The following COQ2 variants were observed in gnomAD, a reference collection of about 807,000 sequenced individuals.
The protein encoded by COQ2 is 4-hydroxybenzoate polyprenyltransferase, mitochondrial.
In COQ2, 25 loss-of-function variants were observed where a neutral mutation model predicts 35.7. That is an observed-to-expected ratio of 0.70 (90% CI 0.51 to 0.98). The LOEUF is 0.98. Ranked by LOEUF, COQ2 falls within the 50% of genes least tolerant of loss-of-function variation. COQ2 has a pLI of 0.00. For missense variants in COQ2, 488 were observed against 473.5 expected (o/e 1.03, Z -0.28); for synonymous variants, 206 against 186.2 (o/e 1.11, Z -0.86).
In COQ2 at chr4:83,283,379, G is replaced by A. The variant is rs1239334322; in HGVS notation, c.253+1133C>T. ...TTCAGATATGTTCTTGTCTAGTCTC[G>A]TTTCCCATTTTCCACACCCACTTGG... On this transcript the variant is annotated intron_variant, in intron 1 of 6. Transcript: ENST00000647002. 11 of 985,166 alleles carry A rather than the reference G, an allele frequency of 1.1e-5. No individual in the cohort carries two copies. In the Admixed American group the frequency reaches 1.8e-4, roughly 17 times the overall value. 61.0% of individuals were successfully genotyped at this position (985,166 alleles called of 1,614,324 possible). A position where few individuals can be genotyped will look rare whatever the true frequency, so the allele number is the denominator to read the frequency against.
At chr4:83,283,562 G>C (rs1735378922) in intron 1 of COQ2, 1 of 985,332 alleles carries the variant, frequency 1.0e-6, no homozygotes, top group Admixed American at 6.1e-5. Flanking sequence ...GGGATCCACA[G>C]TAATTTCTCT....
At position 83,264,091 on chromosome 4, in the gene COQ2, T is replaced by A; in HGVS notation, c.*108A>T. 4 of 725,340 alleles carry A rather than the reference T, an allele frequency of 5.5e-6. No homozygotes were observed. The highest frequency in any genetic ancestry group is 8.5e-6 in the Non-Finnish European group (4 of 473,138). The allele number at this position is 725,340 out of a possible 1,614,324, so 44.9% of individuals were successfully genotyped here. ...AATCCAGGTAAATATGCTCTAAATC[T>A]TCATCTTCAGGTTCTTAATTCTTTA... On this transcript the variant is annotated 3_prime_UTR_variant, in exon 7 of 7. Transcript: ENST00000647002.
chr4:83,269,962 T>C lies in COQ2; in HGVS notation c.660A>G (p.Gly220=), dbSNP rs762284326. The C allele has an allele frequency of 1.2e-6, 2 of 1,613,056 alleles. No homozygotes were observed. The highest frequency in any genetic ancestry group is 2.2e-5 in the East Asian group (1 of 44,864). ...GLTFNWGALL[G]WSAIKGSCDP... is the part of the protein sequence containing the mutation. ...CACAGGAACCCTTGATAGCAGACCA[T>C]CCAAGTAACGCTCCCCAATTAAATG... is the stretch of plus-strand genomic sequence containing the variant. Residue 220 remains glycine, a synonymous_variant, in exon 5 of 7, where the codon GGA becomes GGG. Transcript: ENST00000647002.
At chr4:83,282,677 A>C (rs1735352817) in intron 1 of COQ2, 2 of 231,200 alleles carry the variant, frequency 8.7e-6, no homozygotes, top group Non-Finnish European at 1.4e-5. Context: ...AGCACTTAAC[A>C]TATATTAATG....
At chr4:83,281,748 A>C (rs1735329468) in intron 1 of COQ2, among the ~76,000 whole-genome samples, 1 of 152,216 alleles carries the variant, frequency 6.6e-6, no homozygotes, top group African/African-American at 2.4e-5. Flanking sequence ...CACTATTTTT[A>C]TTACAACCAT....
intron 4 of COQ2, 23 bp from the exon 5 acceptor site, chr4:83,270,016 AG>A: frequency 6.2e-7 from 1 of 1,612,868 alleles, no homozygotes; most frequent in South Asian, 1.1e-5. Flanking sequence ...AAACACAAAA[AG>A]GGGGAAAGTC....
At chr4:83,276,914 T>C (rs1461383334) in intron 2 of COQ2, among the ~76,000 whole-genome samples, 1 of 152,122 alleles carries the variant, frequency 6.6e-6, no homozygotes, top group Admixed American at 6.6e-5. Flanking sequence ...TGGAGGCTAT[T>C]ATTCTTAGTG....
intron 1 of COQ2, among the ~76,000 whole-genome samples, chr4:83,280,388 GA>G (rs1470507152): frequency 6.6e-6 from 1 of 152,176 alleles, no homozygotes; most frequent in East Asian, 1.9e-4. Flanking sequence ...AGATCCTGAA[GA>G]AAAATGGTCA....
At chr4:83,284,997 G>T, upstream of COQ2, 1 of 997,196 alleles carries the variant, frequency 1.0e-6, no homozygotes, top group African/African-American at 1.7e-5. Flanking sequence ...AATAAATTTA[G>T]TTGTAATTTT....
chr4:83,278,104 G>T (rs1433945786), intron 2 of COQ2, among the ~76,000 whole-genome samples: 1 of 151,610 alleles, frequency 6.6e-6, no homozygotes, highest in Non-Finnish European at 1.5e-5. Flanking sequence ...AGGTAAACTA[G>T]GATCGATTAT....
At chr4:83,284,093 T>A (rs1735392516) in intron 1 of COQ2, 1 of 985,304 alleles carries the variant, frequency 1.0e-6, no homozygotes. Flanking sequence ...CTTACAAGAT[T>A]GCGGGGAGGA....
intron 2 of COQ2, among the ~76,000 whole-genome samples, chr4:83,275,130 T>C (rs932158398): frequency 6.6e-6 from 1 of 152,264 alleles, no homozygotes; most frequent in Non-Finnish European, 1.5e-5. Context: ...TAAGAAATCC[T>C]AACATCTCTG....
intron 2 of COQ2, among the ~76,000 whole-genome samples, chr4:83,276,317 G>T (rs371729167): frequency 2.0e-5 from 3 of 151,886 alleles, no homozygotes; most frequent in African/African-American, 7.3e-5. Flanking sequence ...CGCATTGTTT[G>T]TAAATATTTT....
intron 4 of COQ2, among the ~76,000 whole-genome samples, chr4:83,271,159 C>T (rs1168575990): frequency 6.6e-6 from 1 of 152,134 alleles, no homozygotes; most frequent in Non-Finnish European, 1.5e-5. Flanking sequence ...GCTTACCTAA[C>T]TATGTTTCTT....
At position 83,264,198 on chromosome 4, in the gene COQ2, A is replaced by G. The variant is rs1734855550; in HGVS notation, c.*1T>C. 4 of 1,307,188 alleles carry G rather than the reference A, an allele frequency of 3.1e-6. No individual in the cohort carries two copies. Among genetic ancestry groups the G allele is most frequent in the Non-Finnish European group, 4.2e-6 (4 of 954,016 alleles). The allele number at this position is 1,307,188 out of a possible 1,614,324, so 81.0% of individuals were successfully genotyped here. On this transcript the variant is annotated 3_prime_UTR_variant, in exon 7 of 7. Transcript: ENST00000647002. The stretch of plus-strand genomic sequence containing the variant: ...AAAAATTCCTAGATAAATTTCATTC[A>G]TTAATTTTCTATTTTATTCTCTATA...
At chr4:83,274,360 A>AT (rs1209880199) in intron 2 of COQ2, among the ~76,000 whole-genome samples, 2 of 151,982 alleles carry the variant, frequency 1.3e-5, no homozygotes, top group South Asian at 2.1e-4. Context: ...CCCCTGGCTA[A>AT]TTTTTTGTAT....
chr4:83,282,626 T>C (rs1735351467), intron 1 of COQ2: 1 of 679,440 alleles, frequency 1.5e-6, no homozygotes. Flanking sequence ...AAGATAATAA[T>C]GGCTATTTCT....
intron 5 of COQ2, 105 bp from the exon 6 acceptor site, chr4:83,267,879 G>A: frequency 1.0e-6 from 1 of 965,462 alleles, no homozygotes. Context: ...ATATTCACAA[G>A]GTTGTGCAAC....
chr4:83,281,788 G>T (rs563203738), intron 1 of COQ2, among the ~76,000 whole-genome samples: 1 of 152,240 alleles, frequency 6.6e-6, no homozygotes, highest in Admixed American at 6.5e-5. Context: ...ACGCAGAGAG[G>T]GAGTAATTGT....
Sources: gnomAD v4.1 joint callset for allele counts (sites outside exome capture counted in the v4.1 genomes callset) on GRCh38, gnomAD v4.1.1 for gene constraint, MANE v1.5 for transcripts, NCBI Gene and HGNC (gene_info 2026-07-23, HGNC 2026-07-21) for gene names.